KPNA4: variants seen among roughly 807,000 people sequenced by gnomAD.
KPNA4 encodes karyopherin subunit alpha 4.
A neutral mutation model predicts 71.3 loss-of-function variants in KPNA4; 13 were observed. The ratio of observed to expected loss-of-function variants is 0.18; its 90% CI spans 0.12 to 0.29. The LOEUF (loss-of-function observed/expected upper bound fraction) is 0.29, where lower values mean the gene tolerates loss of function less well. Among genes scored for constraint, KPNA4 ranks in the 10% least tolerant of loss-of-function variants. KPNA4 has a pLI of 1.00. For missense variants in KPNA4, 334 were observed against 603.2 expected, an observed-to-expected ratio of 0.55 and a Z score of 4.67; for synonymous variants, 189 against 195.2, an observed-to-expected ratio of 0.97 and a Z score of 0.26.
chr3:160,563,005 G>C (rs1722275880), intron 1 of KPNA4, among the ~76,000 whole-genome samples: 1 of 152,118 alleles, frequency 6.6e-6, no homozygotes, highest in East Asian at 1.9e-4. Context: ...GTTTCCATAT[G>C]ATCTAGCAAT....
intron 1 of KPNA4, among the ~76,000 whole-genome samples, chr3:160,557,626 T>C (rs1722167706): frequency 6.6e-6 from 1 of 152,198 alleles, no homozygotes; most frequent in African/African-American, 2.4e-5. Context: ...GGTGACTAAA[T>C]TTTGTCCGAA....
chr3:160,510,038 T>C, intron 13 of KPNA4, among the ~76,000 whole-genome samples, 167 bp from the exon 14 acceptor site: 1 of 152,174 alleles, frequency 6.6e-6, no homozygotes, highest in Non-Finnish European at 1.5e-5. Flanking sequence ...ATTCCCAATC[T>C]ACCCTAAATA....
intron 13 of KPNA4, among the ~76,000 whole-genome samples, chr3:160,510,939 C>T (rs12152435): frequency 0.22 from 33,383 of 151,102 alleles, 4,052 homozygotes; most frequent in Non-Finnish European, 0.27. Context: ...AGGAATGCAC[C>T]ACCACGCCTG....
Position 160,498,705 on chromosome 3 carries a change from C to A in KPNA4, c.*3399G>T, listed in dbSNP as rs1174719119. On this transcript the variant is annotated 3_prime_UTR_variant, in exon 17 of 17. Transcript: ENST00000334256. The stretch of plus-strand genomic sequence containing the variant: ...TTCAGTTGCTAGGCAATGGATTTTG[C>A]CATATGTGCATAAAAGAGGACCCCC... 1 of 152,126 alleles carries A rather than the reference C, an allele frequency of 6.6e-6. No individual in the cohort carries two copies. Among genetic ancestry groups the A allele is most frequent in the African/African-American group, 2.4e-5 (1 of 41,404 alleles). 9.4% of individuals were successfully genotyped at this position (152,126 alleles called of 1,614,324 possible).
At position 160,525,932 on chromosome 3, in the gene KPNA4, G is replaced by A. The variant is rs1721449454; in HGVS notation, c.726+6C>T. ...TCTCTTTTAATTTTTTTTTAAAAGT[G>A]TTTACCTCCTGAATGGTTTCCATTG... On this transcript the variant is annotated splice_donor_region_variant and intron_variant, in intron 9 of 16. Transcript: ENST00000334256. The A allele has an allele frequency of 6.4e-7, 1 of 1,551,360 alleles. No homozygotes were observed. The highest frequency in any genetic ancestry group is 1.3e-5 in the South Asian group (1 of 77,122).
At chr3:160,541,649 G>GCACACACACACACA (rs60806533) in intron 1 of KPNA4, among the ~76,000 whole-genome samples, 4 of 146,648 alleles carry the variant, frequency 2.7e-5, no homozygotes, top group East Asian at 4.0e-4. Flanking sequence ...TTATATACGC[G>GCACACACACACACA]CACACACACA....
intron 8 of KPNA4, 88 bp downstream of exon 8, chr3:160,527,865 G>A (rs1407486795): frequency 1.6e-5 from 16 of 970,308 alleles, no homozygotes; most frequent in Non-Finnish European, 2.0e-5. Flanking sequence ...AAGGCAAACT[G>A]TTTTCTCTTT....
intron 16 of KPNA4, among the ~76,000 whole-genome samples, chr3:160,503,155 C>T (rs1252755875): frequency 6.6e-6 from 1 of 151,380 alleles, no homozygotes; most frequent in Non-Finnish European, 1.5e-5. Flanking sequence ...ACAAAAAAAC[C>T]CCGGGCAAGT....
intron 1 of KPNA4, among the ~76,000 whole-genome samples, chr3:160,559,552 T>C (rs967750893): frequency 3.3e-5 from 5 of 152,132 alleles, no homozygotes; most frequent in Admixed American, 6.5e-5. Context: ...GACAGACCAA[T>C]AGATTTTAAT....
chr3:160,518,435 T>C (rs1411504453), intron 11 of KPNA4, among the ~76,000 whole-genome samples: 2 of 149,772 alleles, frequency 1.3e-5, no homozygotes, highest in African/African-American at 2.5e-5. Context: ...GCGCCCGGCC[T>C]ATTCTGAGTT....
intron 1 of KPNA4, among the ~76,000 whole-genome samples, chr3:160,560,034 T>C (rs1466009463): frequency 6.6e-6 from 1 of 152,094 alleles, no homozygotes. Flanking sequence ...AGTCTACAAG[T>C]GACCCACAAT....
chr3:160,546,061 A>C (rs1005670198), intron 1 of KPNA4, among the ~76,000 whole-genome samples: 1 of 152,214 alleles, frequency 6.6e-6, no homozygotes, highest in African/African-American at 2.4e-5. Context: ...GAGTTCAAGA[A>C]AGAGGCTGAG....
intron 5 of KPNA4, among the ~76,000 whole-genome samples, chr3:160,535,002 G>T (rs1205814856): frequency 6.6e-6 from 1 of 151,932 alleles, no homozygotes; most frequent in East Asian, 2.0e-4. Context: ...GATTACAGGT[G>T]TGAGCCACCT....
chr3:160,547,641 A>T (rs1560054686), intron 1 of KPNA4, among the ~76,000 whole-genome samples: 1 of 152,308 alleles, frequency 6.6e-6, no homozygotes, highest in South Asian at 2.1e-4. Flanking sequence ...GGTTTTAACA[A>T]ATGTATAATG....
intron 11 of KPNA4, among the ~76,000 whole-genome samples, chr3:160,519,652 G>C (rs375219034): frequency 6.6e-6 from 1 of 151,396 alleles, no homozygotes; most frequent in Non-Finnish European, 1.5e-5. Context: ...AAAATTAGCC[G>C]GGCGCGGTGG....
chr3:160,503,596 A>G (rs1417184464), intron 16 of KPNA4, among the ~76,000 whole-genome samples: 1 of 152,194 alleles, frequency 6.6e-6, no homozygotes, highest in Non-Finnish European at 1.5e-5. Context: ...AAATTCCACA[A>G]TATTACAAAC....
intron 1 of KPNA4, among the ~76,000 whole-genome samples, chr3:160,547,543 A>G (rs1204400178): frequency 2.0e-5 from 3 of 152,144 alleles, no homozygotes; most frequent in African/African-American, 4.8e-5. Context: ...AGAATGGTAC[A>G]TTTGTTACAA....
intron 5 of KPNA4, among the ~76,000 whole-genome samples, chr3:160,534,372 T>C (rs1721637915): frequency 6.6e-6 from 1 of 152,104 alleles, no homozygotes; most frequent in South Asian, 2.1e-4. Flanking sequence ...GTCTCAGTAA[T>C]AGATTTTTCT....
At chr3:160,510,897 C>G (rs750391980) in intron 13 of KPNA4, among the ~76,000 whole-genome samples, 1 of 151,350 alleles carries the variant, frequency 6.6e-6, no homozygotes, top group Non-Finnish European at 1.5e-5. Flanking sequence ...AAGTTATTCT[C>G]CCACCTCAGC....
Sources: allele counts gnomAD v4.1 joint callset (sites outside exome capture counted in the v4.1 genomes callset), GRCh38; gene constraint gnomAD v4.1.1; transcripts MANE v1.5; gene names NCBI Gene and HGNC (gene_info 2026-07-23, HGNC 2026-07-21).